ATF1: variants seen among roughly 807,000 people sequenced by gnomAD.
ATF1 encodes activating transcription factor 1, also known as cyclic AMP-dependent transcription factor ATF-1.
A neutral mutation model predicts 34.7 loss-of-function variants in ATF1; 16 were observed. The ratio of observed to expected loss-of-function variants is 0.46; its 90% CI spans 0.31 to 0.70. The LOEUF (loss-of-function observed/expected upper bound fraction) is 0.70, where lower values mean the gene tolerates loss of function less well. Among genes scored for constraint, ATF1 ranks in the 30% least tolerant of loss-of-function variants. ATF1 has a pLI of 0.05. For missense variants in ATF1, 255 were observed against 321.6 expected (o/e 0.79, Z 1.58); for synonymous variants, 105 against 113.1 (o/e 0.93, Z 0.46).
At chr12:50,789,082 TG>T (rs1941248020) in intron 2 of ATF1, among the ~76,000 whole-genome samples, 1 of 151,718 alleles carries the variant, frequency 6.6e-6, no homozygotes, top group African/African-American at 2.4e-5. Context: ...TTTTTTTTGT[TG>T]TTTTTTTTTT....
intron 3 of ATF1, among the ~76,000 whole-genome samples, chr12:50,796,912 C>T (rs1383695225): frequency 6.6e-6 from 1 of 151,974 alleles, no homozygotes; most frequent in Admixed American, 6.6e-5. Flanking sequence ...AATGGGACTA[C>T]GTCAAACTAA....
rs1941916432 is a variant in ATF1, at chr12:50,819,968, G to A, written c.*189G>A. On this transcript the variant is annotated 3_prime_UTR_variant, in exon 7 of 7. Transcript: ENST00000262053. ...GAAAATGACCTCAAGGAAGCTACGG[G>A]CACAACTGGAAGCTTTGTAGAAATT... 2.1e-6 allele frequency: 1 copy of A among 468,442 alleles called. No individual in the cohort carries two copies. 29.0% of individuals were successfully genotyped at this position (468,442 alleles called of 1,614,324 possible).
intron 6 of ATF1, among the ~76,000 whole-genome samples, chr12:50,818,168 C>T (rs1321209452): frequency 6.6e-6 from 1 of 152,110 alleles, no homozygotes; most frequent in African/African-American, 2.4e-5. Context: ...AGAATGGAGG[C>T]TGAGTGGGTG....
At chr12:50,777,307 A>G (rs12372718) in intron 1 of ATF1, among the ~76,000 whole-genome samples, 52,765 of 152,076 alleles carry the variant, frequency 0.35, 9,401 homozygotes, top group Non-Finnish European at 0.39. Flanking sequence ...AAATTAGACA[A>G]TAATGTGATT....
chr12:50,780,652 TA>T (rs112410474), intron 2 of ATF1, among the ~76,000 whole-genome samples: 86,300 of 139,604 alleles, frequency 0.62, 25,958 homozygotes, highest in South Asian at 0.68. Flanking sequence ...GCATTAATGT[TA>T]AAAAAAAAAA....
intron 3 of ATF1, among the ~76,000 whole-genome samples, chr12:50,807,967 G>A (rs1416902140): frequency 5.3e-5 from 8 of 151,998 alleles, no homozygotes; most frequent in African/African-American, 1.7e-4. Flanking sequence ...GAGCCACCAT[G>A]CCCAGCTAAT....
intron 5 of ATF1, 34 bp from the exon 6 acceptor site, chr12:50,814,246 C>T (rs200931165): frequency 1.2e-6 from 2 of 1,613,306 alleles, no homozygotes; most frequent in Non-Finnish European, 1.7e-6. Context: ...GAGACACTTA[C>T]TAACTAACTC....
chr12:50,788,257 A>G (rs1731605519), intron 2 of ATF1: 1 of 452,388 alleles, frequency 2.2e-6, no homozygotes. Flanking sequence ...AACATAGCTC[A>G]CTGCAGCCTT....
intron 2 of ATF1, 103 bp downstream of exon 2, chr12:50,780,341 G>T: frequency 1.9e-5 from 20 of 1,052,068 alleles, no homozygotes; most frequent in East Asian, 2.8e-5. Flanking sequence ...TTTGGTTTTT[G>T]TTTTTTGGGT....
At chr12:50,776,120 GGCTAACACAGT>G (rs1244393784) in intron 1 of ATF1, among the ~76,000 whole-genome samples, 1 of 151,998 alleles carries the variant, frequency 6.6e-6, no homozygotes, top group African/African-American at 2.4e-5. Flanking sequence ...AGACCATCCT[GGCTAACACAGT>G]GAAACCCCGT....
intron 4 of ATF1, among the ~76,000 whole-genome samples, chr12:50,811,545 A>G (rs1442707010): frequency 6.8e-6 from 1 of 147,730 alleles, no homozygotes; most frequent in African/African-American, 2.5e-5. Flanking sequence ...GTACGTTGAG[A>G]GGCTGAGGCT....
In ATF1 at chr12:50,820,047, A is replaced by C. The variant is rs958018838; in HGVS notation, c.*268A>C. On this transcript the variant is annotated 3_prime_UTR_variant, in exon 7 of 7. Coordinates refer to ENST00000262053, the MANE Select transcript of ATF1 (RefSeq NM_005171.5). The stretch of plus-strand genomic sequence containing the variant: ...TTTCAGCAGTCTAAATTTTCTAAAT[A>C]ACCAATAGTTGCCAATCTAAAATGG... The C allele has an allele frequency of 3.4e-6, 1 of 295,128 alleles. No homozygotes were observed. Among genetic ancestry groups the C allele is most frequent in the Non-Finnish European group, 6.2e-6 (1 of 160,192 alleles). 18.3% of individuals were successfully genotyped at this position (295,128 alleles called of 1,614,324 possible). A position where few individuals can be genotyped will look rare whatever the true frequency, so the allele number is the denominator to read the frequency against.
At position 50,784,558 on chromosome 12, in the gene ATF1, C is replaced by T. The variant is rs144839410; in HGVS notation, c.93+4320C>T. ...GGATGAGGCAGAGAGGGTTGGGGTG[C>T]GAAGAGGGGAGAGTGCCAGATAATG... On this transcript the variant is annotated intron_variant, in intron 2 of 6. Coordinates refer to ENST00000262053, the MANE Select transcript of ATF1 (RefSeq NM_005171.5). 9.0e-4 allele frequency among the ~76,000 whole-genome samples: 137 copies of T among 151,946 alleles called. No homozygotes were observed. In the Middle Eastern group the frequency reaches 0.027, roughly 30 times the overall value.
intron 3 of ATF1, chr12:50,806,399 G>A: frequency 2.0e-6 from 1 of 502,480 alleles, no homozygotes; most frequent in Non-Finnish European, 4.1e-6. Context: ...ACAGTTATCA[G>A]CAGGATGCTG....
chr12:50,814,245 A>T, intron 5 of ATF1, 35 bp from the exon 6 acceptor site: 1 of 1,613,372 alleles, frequency 6.2e-7, no homozygotes, highest in Non-Finnish European at 8.5e-7. Context: ...AGAGACACTT[A>T]CTAACTAACT....
At chr12:50,793,633 C>CAAAA (rs10711973) in intron 2 of ATF1, among the ~76,000 whole-genome samples, 1 of 118,752 alleles carries the variant, frequency 8.4e-6, no homozygotes, top group African/African-American at 3.1e-5. Flanking sequence ...GACTCCATCT[C>CAAAA]AAAAAAAAAA....
intron 2 of ATF1, among the ~76,000 whole-genome samples, chr12:50,784,710 A>G (rs948328599): frequency 2.0e-5 from 3 of 152,194 alleles, no homozygotes; most frequent in Admixed American, 2.0e-4. Context: ...TTTGTGGAAT[A>G]GAAACAGGAA....
chr12:50,763,478 G>A (rs969469417), upstream of ATF1, among the ~76,000 whole-genome samples: 1 of 149,064 alleles, frequency 6.7e-6, no homozygotes, highest in Non-Finnish European at 1.5e-5. Context: ...AGCCGAGCGT[G>A]GTAGCGCGCG....
chr12:50,803,935 G>A (rs749494929), intron 3 of ATF1, among the ~76,000 whole-genome samples: 2 of 152,176 alleles, frequency 1.3e-5, no homozygotes, highest in African/African-American at 4.8e-5. Context: ...GTTGGTTAGC[G>A]CTTGGGAGAG....
Sources: gnomAD v4.1 joint callset for allele counts (sites outside exome capture counted in the v4.1 genomes callset) on GRCh38, gnomAD v4.1.1 for gene constraint, MANE v1.5 for transcripts, NCBI Gene and HGNC (gene_info 2026-07-23, HGNC 2026-07-21) for gene names.